SMIM9: variants seen among roughly 807,000 people sequenced by gnomAD.
SMIM9 encodes chromosome X open reading frame 68.
In SMIM9, 8 loss-of-function variants were observed where a neutral mutation model predicts 7.2. The ratio of observed to expected loss-of-function variants is 1.10; its 90% CI spans 0.65 to 1.99. The LOEUF is 1.99. Among genes scored for constraint, SMIM9 ranks in the 30% most tolerant of loss-of-function variants. SMIM9 has a pLI of 0.00. For synonymous variants in SMIM9, 19 were observed against 26.4 expected, an observed-to-expected ratio of 0.72 and a Z score of 0.86; for missense variants, 76 against 69.3, an observed-to-expected ratio of 1.10 and a Z score of -0.34.
intron 4 of SMIM9, among the ~76,000 whole-genome samples, chrX:154,824,216 G>T (rs1452790217): frequency 9.2e-6 from 1 of 109,156 alleles, no homozygotes; most frequent in Non-Finnish European, 1.9e-5. Flanking sequence ...AATTAGCCTG[G>T]CGTGGTGGCG....
chrX:154,830,050 A>G (rs1249072658), intron 3 of SMIM9, among the ~76,000 whole-genome samples: 1 of 111,642 alleles, frequency 9.0e-6, no homozygotes, highest in African/African-American at 3.3e-5. Context: ...GGAGTATCCC[A>G]GGAAGAGAAA....
chrX:154,826,409 T>C (rs1432644363), intron 4 of SMIM9, among the ~76,000 whole-genome samples: 1 of 111,597 alleles, frequency 9.0e-6, no homozygotes, highest in East Asian at 2.8e-4. Flanking sequence ...CCCTGTTGTA[T>C]TTCTGCATAT....
At chrX:154,828,491 G>A (rs2072430818) in intron 4 of SMIM9, among the ~76,000 whole-genome samples, 1 of 111,122 alleles carries the variant, frequency 9.0e-6, no homozygotes, top group Non-Finnish European at 1.9e-5. Context: ...CCATTCTCTG[G>A]GAGGCTCTAC....
intron 4 of SMIM9, among the ~76,000 whole-genome samples, chrX:154,829,077 T>C (rs1427788119): frequency 8.9e-6 from 1 of 112,532 alleles, no homozygotes; most frequent in Non-Finnish European, 1.9e-5. Flanking sequence ...CATTTGTTGG[T>C]AAATACTGAC....
intron 4 of SMIM9, among the ~76,000 whole-genome samples, chrX:154,826,745 G>C (rs1463134998): frequency 8.9e-6 from 1 of 112,065 alleles, no homozygotes; most frequent in Non-Finnish European, 1.9e-5. Flanking sequence ...GTTGAATGAG[G>C]TAAACTCTTA....
At position 154,830,043 on chromosome X, in the gene SMIM9, G is replaced by A. The variant is rs782584676; in HGVS notation, c.143-379C>T. Reference sequence around the variant, plus strand: ...TCCTGCAGGAGGCTGAGGAGAGGGAGTATCCCAGGAAGAGAAAGGAGAAGG... The same window carrying A: ...TCCTGCAGGAGGCTGAGGAGAGGGAATATCCCAGGAAGAGAAAGGAGAAGG... On this transcript the variant is annotated intron_variant, in intron 3 of 4. Transcript: ENST00000369529. Among the ~76,000 whole-genome samples the A allele has an allele frequency of 8.1e-5, 9 of 111,618 alleles. 1 individual carries two copies. In the South Asian group the frequency reaches 3.0e-3, roughly 37 times the overall value.
At chrX:154,832,240 T>C (rs1457012149) in intron 2 of SMIM9, among the ~76,000 whole-genome samples, 1 of 111,275 alleles carries the variant, frequency 9.0e-6, no homozygotes, top group African/African-American at 3.3e-5. Flanking sequence ...CTATGTGACA[T>C]AGCTCTGGAT....
At position 154,824,372 on chromosome X, in the gene SMIM9, A is replaced by G. The variant is rs1272457021; in HGVS notation, c.273-590T>C. Among the ~76,000 whole-genome samples, 3 of 107,232 alleles carry G rather than the reference A, an allele frequency of 2.8e-5. No individual in the cohort carries two copies. The South Asian group carries it at 1.2e-3, about 42-fold the overall frequency. The allele number at this position is 107,232 out of a possible 115,157, so 93.1% of individuals were successfully genotyped here. ...CTCCGTCTCAAAAAAAAAAAAAAAA[A>G]AAAAGAAAAAGAAAAAAAAGAAAGA... On this transcript the variant is annotated intron_variant, in intron 4 of 4. Coordinates refer to ENST00000369529, the MANE Select transcript of SMIM9 (RefSeq NM_001162936.4).
chrX:154,830,475 CCTAT>C (rs1361906672), intron 3 of SMIM9: 2 of 279,545 alleles, frequency 7.2e-6, no homozygotes, highest in Admixed American at 5.9e-5. Context: ...GCTTTGTCTG[CCTAT>C]CTGTGAGCTC....
At chrX:154,824,378 A>G (rs1325227197) in intron 4 of SMIM9, among the ~76,000 whole-genome samples, 1 of 99,944 alleles carries the variant, frequency 1.0e-5, no homozygotes, top group Non-Finnish European at 2.1e-5. Flanking sequence ...AAAAAAAAAG[A>G]AAAAGAAAAA....
chrX:154,829,761 A>AG, intron 3 of SMIM9, 97 bp from the exon 4 acceptor site: 3 of 943,133 alleles, frequency 3.2e-6, no homozygotes, highest in Non-Finnish European at 4.4e-6. Flanking sequence ...TGTCCCAGAT[A>AG]TCATGTTCTT....
chrX:154,825,156 G>A (rs897539383), intron 4 of SMIM9, among the ~76,000 whole-genome samples: 3 of 111,594 alleles, frequency 2.7e-5, no homozygotes, highest in African/African-American at 9.8e-5. Flanking sequence ...TTGGGAGGCC[G>A]AGGCGGGTGG....
At chrX:154,833,095 T>G (rs1399582655) in intron 1 of SMIM9, among the ~76,000 whole-genome samples, 2 of 111,793 alleles carry the variant, frequency 1.8e-5, no homozygotes, top group Non-Finnish European at 3.8e-5. Flanking sequence ...ATTCTATGTG[T>G]GGATATTTTT....
At chrX:154,824,311 A>G (rs112510339) in intron 4 of SMIM9, among the ~76,000 whole-genome samples, 12,255 of 94,604 alleles carry the variant, frequency 0.13, 725 homozygotes, top group Non-Finnish European at 0.15. Context: ...AGCCGAGATC[A>G]CGCCACTGCA....
chrX:154,830,665 A>G (rs1557270486), intron 3 of SMIM9, 50 bp downstream of exon 3: 2 of 1,134,674 alleles, frequency 1.8e-6, no homozygotes, highest in Non-Finnish European at 2.3e-6. Context: ...CTGAAACATG[A>G]ATCTTAAGTC....
intron 1 of SMIM9, among the ~76,000 whole-genome samples, chrX:154,833,332 G>T (rs1557270702): frequency 8.9e-6 from 1 of 112,517 alleles, no homozygotes; most frequent in African/African-American, 3.2e-5. Context: ...TAATTAAAAA[G>T]AAATAGTACT....
chrX:154,824,623 C>T (rs1303176900), intron 4 of SMIM9, among the ~76,000 whole-genome samples: 1 of 112,084 alleles, frequency 8.9e-6, no homozygotes, highest in East Asian at 2.8e-4. Context: ...GAATATGTTT[C>T]TGTGTAATTA....
At chrX:154,827,693 T>C (rs1157577790) in intron 4 of SMIM9, among the ~76,000 whole-genome samples, 1 of 112,722 alleles carries the variant, frequency 8.9e-6, no homozygotes, top group East Asian at 2.8e-4. Flanking sequence ...GCTGAACATA[T>C]AGCCAGTCTC....
chrX:154,827,709 C>G (rs1414899411), intron 4 of SMIM9, among the ~76,000 whole-genome samples: 1 of 112,553 alleles, frequency 8.9e-6, no homozygotes, highest in Non-Finnish European at 1.9e-5. Flanking sequence ...GTCTCTGTTA[C>G]AGTCTGTCTT....
Sources: gnomAD v4.1 joint callset for allele counts (sites outside exome capture counted in the v4.1 genomes callset) on GRCh38, gnomAD v4.1.1 for gene constraint, MANE v1.5 for transcripts, NCBI Gene and HGNC (gene_info 2026-07-23, HGNC 2026-07-21) for gene names.